LRFN5: variants seen among roughly 807,000 people sequenced by gnomAD.
LRFN5 encodes the protein leucine rich repeat and fibronectin type III domain containing 5.
Under a neutral mutation model 45.6 loss-of-function variants are expected in LRFN5, and 24 were observed. That is an observed-to-expected ratio of 0.53 (90% CI 0.38 to 0.74). LRFN5 has a LOEUF of 0.74. Ranked by LOEUF, LRFN5 falls within the 30% of genes least tolerant of loss-of-function variation. The pLI is 0.00. For synonymous variants in LRFN5, 340 were observed against 313.8 expected (o/e 1.08, Z -0.88); for missense variants, 776 against 861.5 (o/e 0.90, Z 1.24).
intron 1 of LRFN5, among the ~76,000 whole-genome samples, chr14:41,754,247 A>C (rs936919500): frequency 1.4e-4 from 22 of 152,164 alleles, no homozygotes; most frequent in Non-Finnish European, 2.5e-4. Flanking sequence ...TGTCTCTGCC[A>C]GGCTTTGGTA....
intron 2 of LRFN5, among the ~76,000 whole-genome samples, chr14:41,837,221 T>C (rs74045471): frequency 0.013 from 1,664 of 124,762 alleles, 35 homozygotes; most frequent in African/African-American, 0.046. Flanking sequence ...AAAAAAAAGC[T>C]AGCGTTTGAA....
At chr14:41,773,811 C>A (rs531164272) in intron 2 of LRFN5, among the ~76,000 whole-genome samples, 1 of 152,320 alleles carries the variant, frequency 6.6e-6, no homozygotes, top group South Asian at 2.1e-4. Flanking sequence ...CAGAGACAGG[C>A]TTCAGCATTA....
At chr14:41,858,248 A>C (rs74045484) in intron 2 of LRFN5, among the ~76,000 whole-genome samples, 2,383 of 152,194 alleles carry the variant, frequency 0.016, 53 homozygotes, top group African/African-American at 0.055. Context: ...GGCCTATCGT[A>C]ACCCTTTACC....
At chr14:41,677,520 C>T (rs1169320004) in intron 1 of LRFN5, among the ~76,000 whole-genome samples, 1 of 151,896 alleles carries the variant, frequency 6.6e-6, no homozygotes, top group Non-Finnish European at 1.5e-5. Context: ...ATGGAAATGC[C>T]TCATAAAATA....
At chr14:41,845,284 A>G (rs1349122203) in intron 2 of LRFN5, among the ~76,000 whole-genome samples, 1 of 152,156 alleles carries the variant, frequency 6.6e-6, no homozygotes, top group East Asian at 1.9e-4. Context: ...AAAGGAGGCA[A>G]CCAGACAGCA....
At chr14:41,718,948 T>C (rs1883602985) in intron 1 of LRFN5, among the ~76,000 whole-genome samples, 1 of 152,150 alleles carries the variant, frequency 6.6e-6, no homozygotes, top group Non-Finnish European at 1.5e-5. Flanking sequence ...AATGCTAGCT[T>C]CCTCTTGTGA....
At chr14:41,839,230 G>A (rs1021671785) in intron 2 of LRFN5, among the ~76,000 whole-genome samples, 24 of 152,062 alleles carry the variant, frequency 1.6e-4, no homozygotes, top group African/African-American at 5.8e-4. Context: ...AATTCTCAGA[G>A]TAGAAATCGA....
intron 1 of LRFN5, among the ~76,000 whole-genome samples, chr14:41,716,219 C>A (rs1450996987): frequency 6.6e-6 from 1 of 152,198 alleles, no homozygotes; most frequent in Non-Finnish European, 1.5e-5. Context: ...CCATGAAGAC[C>A]TCTGGCATGC....
chr14:41,838,754 A>C (rs898658943), intron 2 of LRFN5, among the ~76,000 whole-genome samples: 37 of 152,178 alleles, frequency 2.4e-4, no homozygotes, highest in African/African-American at 8.7e-4. Context: ...CATGTTTCCA[A>C]AAAAATTAAA....
At chr14:41,631,631 T>G (rs753803502) in intron 1 of LRFN5, among the ~76,000 whole-genome samples, 9 of 152,190 alleles carry the variant, frequency 5.9e-5, no homozygotes, top group Non-Finnish European at 1.0e-4. Context: ...AGGGCTGATA[T>G]TTTATTGAAA....
intron 1 of LRFN5, among the ~76,000 whole-genome samples, chr14:41,760,045 C>T (rs1885594875): frequency 6.6e-6 from 1 of 152,146 alleles, no homozygotes; most frequent in Non-Finnish European, 1.5e-5. Flanking sequence ...AAGAAACTGT[C>T]ATTCGTACGA....
In LRFN5 at chr14:41,891,515, C is replaced by G; in HGVS notation, c.1651C>G (p.Arg551Gly). 1 of 1,614,002 alleles carries G rather than the reference C, an allele frequency of 6.2e-7. No homozygotes were observed. Among genetic ancestry groups the G allele is most frequent in the South Asian group, 1.1e-5 (1 of 91,072 alleles). Reference sequence around the variant, plus strand: ...GGTATTCATCATTATTCTGATGATCCGGTATAAGGTTTGCAACAATAATGG... The same window carrying G: ...GGTATTCATCATTATTCTGATGATCGGGTATAAGGTTTGCAACAATAATGG... ...VLVFIIILMI[R>G]YKVCNNNGQH... The change falls in exon 4 of 6, where the codon CGG (arginine) becomes GGG (glycine). Residue 551 changes from arginine (R) to glycine (G), a missense_variant. Arg to Gly is a moderately radical substitution (Grantham distance 125). This residue lies in a region of LRFN5 where 465 missense variants were observed against 456.4 expected (regional missense o/e 1.02). Coordinates refer to ENST00000298119, the MANE Select transcript of LRFN5 (RefSeq NM_152447.5).
chr14:41,756,961 G>A (rs1422587316), intron 1 of LRFN5, among the ~76,000 whole-genome samples: 2 of 152,146 alleles, frequency 1.3e-5, no homozygotes, highest in Admixed American at 6.5e-5. Context: ...CTGTTTATTA[G>A]CTTTCCTTCT....
At chr14:41,768,141 TA>T (rs1566661084) in intron 2 of LRFN5, among the ~76,000 whole-genome samples, 1 of 152,124 alleles carries the variant, frequency 6.6e-6, no homozygotes, top group Non-Finnish European at 1.5e-5. Flanking sequence ...TTTTGCGACA[TA>T]TTACATGTCA....
chr14:41,901,102 A>C (rs894342898), intron 5 of LRFN5, among the ~76,000 whole-genome samples: 21 of 152,140 alleles, frequency 1.4e-4, no homozygotes, highest in African/African-American at 5.1e-4. Flanking sequence ...AGTGGCCTTG[A>C]AATATTTTAA....
intron 1 of LRFN5, among the ~76,000 whole-genome samples, chr14:41,613,503 TG>T (rs943757142): frequency 6.6e-6 from 1 of 152,008 alleles, no homozygotes; most frequent in African/African-American, 2.4e-5. Context: ...CATTTTTTTT[TG>T]TGGGAACATA....
intron 1 of LRFN5, among the ~76,000 whole-genome samples, chr14:41,716,612 C>T (rs1883505304): frequency 6.6e-6 from 1 of 152,174 alleles, no homozygotes; most frequent in African/African-American, 2.4e-5. Flanking sequence ...GAGACCACCT[C>T]AGCCTGGACT....
At chr14:41,729,555 C>T (rs1435033253) in intron 1 of LRFN5, among the ~76,000 whole-genome samples, 1 of 151,948 alleles carries the variant, frequency 6.6e-6, no homozygotes, top group Non-Finnish European at 1.5e-5. Flanking sequence ...ATTACCTATC[C>T]TCATTTTCAT....
At chr14:41,738,128 G>C (rs1156266529) in intron 1 of LRFN5, among the ~76,000 whole-genome samples, 1 of 152,152 alleles carries the variant, frequency 6.6e-6, no homozygotes, top group African/African-American at 2.4e-5. Context: ...AAACAGCATG[G>C]TACTGGTAGC....
Sources: allele counts gnomAD v4.1 joint callset (sites outside exome capture counted in the v4.1 genomes callset), GRCh38; gene constraint gnomAD v4.1.1; regional missense constraint gnomAD v4.1.1; transcripts MANE v1.5; gene names NCBI Gene and HGNC (gene_info 2026-07-23, HGNC 2026-07-21).